Variants in AXIN1 observed in about 807,000 individuals in gnomAD.
AXIN1 encodes axin-1.
A neutral mutation model predicts 76.4 loss-of-function variants in AXIN1; 30 were observed. That is an observed-to-expected ratio of 0.39 (90% CI 0.29 to 0.53). The LOEUF (loss-of-function observed/expected upper bound fraction) is 0.53. Ranked by LOEUF, AXIN1 falls within the 20% of genes least tolerant of loss-of-function variation. The pLI is 0.66. For missense variants in AXIN1, 1,140 were observed against 1,198.8 expected (o/e 0.95, Z 0.72); for synonymous variants, 545 against 501.4 (o/e 1.09, Z -1.16).
intron 2 of AXIN1, among the ~76,000 whole-genome samples, chr16:328,265 C>T (rs2053621791): frequency 6.6e-6 from 1 of 151,292 alleles, no homozygotes; most frequent in Non-Finnish European, 1.5e-5. Context: ...TGGTGGCATG[C>T]ACCTGTGGTC....
Position 352,355 on chromosome 16 carries a change from C to G in AXIN1, c.-82+14G>C, listed in dbSNP as rs958958590. The G allele has an allele frequency of 3.1e-6, 3 of 980,810 alleles. No individual in the cohort carries two copies. The highest frequency in any genetic ancestry group is 4.7e-5 in the South Asian group (1 of 21,304). The allele number at this position is 980,810 out of a possible 1,614,324, so 60.8% of individuals were successfully genotyped here. On this transcript the variant is annotated intron_variant, in intron 1 of 10. Transcript: ENST00000262320. ...ACCGCGGCCTAGCCCGCCCCGGAGCCCGGCCCTACTCACCCGCGCGCGGTG... is the reference window on the plus strand; with the variant it reads ...ACCGCGGCCTAGCCCGCCCCGGAGCGCGGCCCTACTCACCCGCGCGCGGTG...
chr16:344,249 G>C (rs974718554), intron 2 of AXIN1, among the ~76,000 whole-genome samples: 1 of 151,750 alleles, frequency 6.6e-6, no homozygotes, highest in African/African-American at 2.4e-5. Flanking sequence ...GGCTAACATG[G>C]TGAAACCCAG....
intron 9 of AXIN1, 117 bp from the exon 10 acceptor site, chr16:289,724 C>G: frequency 7.4e-7 from 1 of 1,353,626 alleles, no homozygotes; most frequent in East Asian, 2.5e-5. Flanking sequence ...GTGAGCAGCA[C>G]CCCATTCAAA....
chr16:322,010 T>A (rs1036331324), intron 2 of AXIN1, among the ~76,000 whole-genome samples: 1 of 152,202 alleles, frequency 6.6e-6, no homozygotes, highest in Non-Finnish European at 1.5e-5. Context: ...GAGCCCTGGA[T>A]GATAAGCCAG....
At chr16:317,345 C>T (rs1315443276) in intron 2 of AXIN1, among the ~76,000 whole-genome samples, 1 of 152,108 alleles carries the variant, frequency 6.6e-6, no homozygotes, top group African/African-American at 2.4e-5. Context: ...TCGCATGGGG[C>T]CAGAACACAC....
chr16:339,522 A>G (rs968251433), intron 2 of AXIN1, among the ~76,000 whole-genome samples: 8 of 151,326 alleles, frequency 5.3e-5, no homozygotes, highest in Non-Finnish European at 7.4e-5. Context: ...AAAAAAAAAA[A>G]AAAAAAAAAA....
chr16:318,781 A>G (rs1485271687), intron 2 of AXIN1, among the ~76,000 whole-genome samples: 2 of 152,120 alleles, frequency 1.3e-5, no homozygotes, highest in African/African-American at 4.8e-5. Context: ...GAGCACCTCC[A>G]CCTACACCTG....
At chr16:310,123 A>G (rs2141574894) in intron 3 of AXIN1, 54 bp from the exon 4 acceptor site, 1 of 1,531,446 alleles carries the variant, frequency 6.5e-7, no homozygotes, top group Non-Finnish European at 8.9e-7. Context: ...GAGGGCCAGC[A>G]CCGTGCCAAT....
intron 2 of AXIN1, among the ~76,000 whole-genome samples, chr16:316,646 C>T (rs1375394016): frequency 1.3e-5 from 2 of 152,164 alleles, no homozygotes; most frequent in Non-Finnish European, 2.9e-5. Context: ...GGGGGTTTAT[C>T]ACAGTGCACC....
Position 296,963 on chromosome 16 carries a change from CCA to C in AXIN1, c.1955+91_1955+92del, listed in dbSNP as rs1160342493. The C allele has an allele frequency of 8.9e-6, 13 of 1,468,182 alleles. 1 individual carries two copies. The highest frequency in any genetic ancestry group is 3.4e-4 in the Middle Eastern group (2 of 5,834). 90.9% of individuals were successfully genotyped at this position (1,468,182 alleles called of 1,614,324 possible). On this transcript the variant is annotated intron_variant, in intron 7 of 10. Coordinates refer to ENST00000262320, the MANE Select transcript of AXIN1 (RefSeq NM_003502.4). ...TGTGAGGCGTCACAGGCGACACTCG[CCA>C]CACACACTGAAGCTGCACACACTGA...
intron 2 of AXIN1, among the ~76,000 whole-genome samples, chr16:332,709 A>T (rs2053720152): frequency 6.6e-6 from 1 of 151,964 alleles, no homozygotes; most frequent in African/African-American, 2.4e-5. Flanking sequence ...ATATTCAGAA[A>T]GCAAGGGCAG....
chr16:305,051 G>A (rs1201918458), intron 4 of AXIN1, among the ~76,000 whole-genome samples: 1 of 152,222 alleles, frequency 6.6e-6, no homozygotes, highest in East Asian at 1.9e-4. Context: ...ACCCACTTCA[G>A]AGAAGCACTC....
Position 287,947 on chromosome 16 carries a change from G to T in AXIN1, c.*175C>A. On this transcript the variant is annotated 3_prime_UTR_variant, in exon 11 of 11. Coordinates refer to ENST00000262320, the MANE Select transcript of AXIN1 (RefSeq NM_003502.4). Reference sequence around the variant, plus strand: ...CTCCTTGGGGGCAGGACAGAAGCTTGTGGACCACTTGGAGGGACCCCCTAC... The same window carrying T: ...CTCCTTGGGGGCAGGACAGAAGCTTTTGGACCACTTGGAGGGACCCCCTAC... The T allele has an allele frequency of 9.6e-7, 1 of 1,046,504 alleles. No individual in the cohort carries two copies. Among genetic ancestry groups the T allele is most frequent in the Non-Finnish European group, 1.4e-6 (1 of 692,104 alleles). The allele number at this position is 1,046,504 out of a possible 1,614,324, so 64.8% of individuals were successfully genotyped here.
Position 288,121 on chromosome 16 carries a change from A to G in AXIN1, c.*1T>C, listed in dbSNP as rs759373547. The G allele has an allele frequency of 1.9e-6, 3 of 1,613,330 alleles. No homozygotes were observed. Among genetic ancestry groups the G allele is most frequent in the South Asian group, 1.1e-5 (1 of 91,082 alleles). On this transcript the variant is annotated 3_prime_UTR_variant, in exon 11 of 11. Coordinates refer to ENST00000262320, the MANE Select transcript of AXIN1 (RefSeq NM_003502.4). Reference sequence around the variant, plus strand: ...GGCACAGCGGCCAGCCCACCAGCCTATCAGTCCACCTTCTCCACTTTGCCG... The same window carrying G: ...GGCACAGCGGCCAGCCCACCAGCCTGTCAGTCCACCTTCTCCACTTTGCCG...
At chr16:301,085 A>G (rs938388257) in intron 5 of AXIN1, among the ~76,000 whole-genome samples, 2 of 152,002 alleles carry the variant, frequency 1.3e-5, no homozygotes, top group Admixed American at 6.5e-5. Context: ...CCTGGCTAAC[A>G]TGGTGAAACC....
chr16:341,750 G>C (rs1454783700), intron 2 of AXIN1, among the ~76,000 whole-genome samples: 1 of 152,230 alleles, frequency 6.6e-6, no homozygotes. Flanking sequence ...CTAGCTCAGG[G>C]ACTGTAAATA....
At chr16:322,035 A>G (rs2053470640) in intron 2 of AXIN1, among the ~76,000 whole-genome samples, 1 of 152,236 alleles carries the variant, frequency 6.6e-6, no homozygotes, top group Non-Finnish European at 1.5e-5. Context: ...GAGCCAATGA[A>G]AGCCCAATTC....
rs146596848 is a variant in AXIN1 at position 309,486 on chromosome 16, C to T, written c.1116+487G>A. Among the ~76,000 whole-genome samples the T allele has an allele frequency of 4.7e-3, 714 of 152,236 alleles. 4 individuals are homozygous for T. The highest frequency in any genetic ancestry group is 0.01 in the Middle Eastern group (3 of 294). On this transcript the variant is annotated intron_variant, in intron 4 of 10. Coordinates refer to ENST00000262320, the MANE Select transcript of AXIN1 (RefSeq NM_003502.4). ...TACTGCCCAGCCAAGCCCCCATGCC[C>T]GAGACTGGGCAAAGGTGCCATTATT...
intron 2 of AXIN1, among the ~76,000 whole-genome samples, chr16:339,159 C>T (rs1432718939): frequency 1.5e-5 from 2 of 133,190 alleles, no homozygotes; most frequent in African/African-American, 5.7e-5. Flanking sequence ...GGGCAGATCA[C>T]TTGAGGTCAG....
Sources: gnomAD v4.1 joint callset for allele counts (sites outside exome capture counted in the v4.1 genomes callset) on GRCh38, gnomAD v4.1.1 for gene constraint, MANE v1.5 for transcripts, NCBI Gene and HGNC (gene_info 2026-07-23, HGNC 2026-07-21) for gene names.